Variants in ZC3H15 observed in about 807,000 individuals in gnomAD.
ZC3H15 encodes zinc finger CCCH-type containing 15, also known as zinc finger CCCH domain-containing protein 15.
In ZC3H15, 15 loss-of-function variants were observed where a neutral mutation model predicts 51.2. The ratio of observed to expected loss-of-function variants is 0.29; its 90% CI spans 0.20 to 0.45. The LOEUF (loss-of-function observed/expected upper bound fraction) is 0.45, where lower values mean the gene tolerates loss of function less well. Among genes scored for constraint, ZC3H15 ranks in the 20% least tolerant of loss-of-function variants. The pLI is 1.00. For synonymous variants in ZC3H15, 144 were observed against 162.8 expected (o/e 0.88, Z 0.88); for missense variants, 381 against 494.7 (o/e 0.77, Z 2.18).
In ZC3H15 at chr2:186,504,181, T is replaced by A. The variant is rs1685430776; in HGVS notation, c.684T>A (p.Asp228Glu). 4 of 1,601,420 alleles carry A rather than the reference T, an allele frequency of 2.5e-6. No homozygotes were observed. Among genetic ancestry groups the A allele is most frequent in the Non-Finnish European group, 2.6e-6 (3 of 1,173,672 alleles). ...ATAAAAAGAAAGAAGAGAAAGAAGA[T>A]GAAATTTCATTAGAAGATCTAATTG... The part of the protein sequence containing the change: ...KKDKKKEEKE[D>E]EISLEDLIER... The change falls in exon 6 of 10, where the codon GAT (aspartate) becomes GAA (glutamate). Residue 228 changes from aspartate to glutamate, a missense_variant. By Grantham distance (45) the Asp-to-Glu change is conservative (BLOSUM62 2). Transcript: ENST00000337859.
intron 1 of ZC3H15, chr2:186,486,830 T>C (rs1685104414): frequency 1.4e-5 from 3 of 218,870 alleles, no homozygotes; most frequent in Non-Finnish European, 1.8e-5. Flanking sequence ...GGCCAGCGTC[T>C]TTCTGGAAGA....
intron 2 of ZC3H15, chr2:186,497,046 G>A (rs988291963): frequency 5.3e-5 from 19 of 359,910 alleles, no homozygotes; most frequent in African/African-American, 1.1e-4. Context: ...CAACTCATTT[G>A]AAAAAAATGT....
chr2:186,506,812 A>G lies in ZC3H15; in HGVS notation c.1066A>G (p.Ser356Gly), dbSNP rs1184991870. ...TACTGTAGCCAGTCTTGAAAGATTC[A>G]GCACATATACTTCAGATAAAGATGG... is the stretch of plus-strand genomic sequence containing the variant. Reference protein sequence around the residue: ...GITVASLERFSTYTSDKDENK... With the variant: ...GITVASLERFGTYTSDKDENK... The change falls in exon 9 of 10, where the codon AGC becomes GGC. Residue 356 changes from serine to glycine, a missense_variant. Ser to Gly is a moderately conservative substitution (Grantham distance 56). Around this residue, in one of 3 missense-constraint regions of ZC3H15, gnomAD observed 215 missense variants for 241.8 expected, o/e 0.89. Transcript: ENST00000337859. 6.2e-7 allele frequency: 1 copy of G among 1,613,286 alleles called. No homozygotes were observed. Among genetic ancestry groups the G allele is most frequent in the Admixed American group, 1.7e-5 (1 of 59,888 alleles).
rs560952234 is a variant in ZC3H15, at chr2:186,502,670, A to G, written c.534+83A>G. On this transcript the variant is annotated intron_variant, in intron 5 of 9. Transcript: ENST00000337859. ...GGCAAGGTATTTGCTGCTATTTTCT[A>G]TTAGATTATTCTGTAAGTTACTGGA... is the stretch of plus-strand genomic sequence containing the variant. The G allele has an allele frequency of 1.2e-5, 14 of 1,133,702 alleles. No homozygotes were observed. In the African/African-American group the frequency reaches 1.7e-4, roughly 14 times the overall value. 70.2% of individuals were successfully genotyped at this position (1,133,702 alleles called of 1,614,324 possible).
rs781355177 is a variant in ZC3H15 at position 186,500,591 on chromosome 2, A to T, written c.289+298A>T. ...TCTTTGGTAGTAGGTAAGCAAAGCCATAGTTGAATAAACTGTACGTCCCAA... is the reference window on the plus strand; with the variant it reads ...TCTTTGGTAGTAGGTAAGCAAAGCCTTAGTTGAATAAACTGTACGTCCCAA... On this transcript the variant is annotated intron_variant, in intron 3 of 9. Transcript: ENST00000337859. The T allele has an allele frequency of 9.4e-6, 5 of 533,170 alleles. 1 individual carries two copies. Among genetic ancestry groups the T allele is most frequent in the South Asian group, 7.7e-5 (5 of 65,246 alleles). The allele number at this position is 533,170 out of a possible 1,614,324, so 33.0% of individuals were successfully genotyped here.
Position 186,501,278 on chromosome 2 carries a change from G to T in ZC3H15, c.295G>T (p.Asp99Tyr). The T allele has an allele frequency of 6.2e-7, 1 of 1,605,372 alleles. No individual in the cohort carries two copies. Among genetic ancestry groups the T allele is most frequent in the Non-Finnish European group, 8.5e-7 (1 of 1,175,956 alleles). The change falls in exon 4 of 10, where the codon GAT becomes TAT. Residue 99 changes from aspartate to tyrosine, a missense_variant. Around this residue, in one of 3 missense-constraint regions of ZC3H15, gnomAD observed 125 missense variants for 166.3 expected, o/e 0.75. Coordinates refer to ENST00000337859, the MANE Select transcript of ZC3H15 (RefSeq NM_018471.3). The part of the protein sequence containing the change: ...VAAQKISKGA[D>Y]PKSVVCAFFK... ...CCATATGCCATTTGACATAGGTGCA[G>T]ATCCCAAGTCTGTAGTATGTGCATT...
rs1215329009 is a variant in ZC3H15 at position 186,486,334 on chromosome 2, G to A, written c.-49G>A. On this transcript the variant is annotated 5_prime_UTR_variant, in exon 1 of 10. Coordinates refer to ENST00000337859, the MANE Select transcript of ZC3H15 (RefSeq NM_018471.3). The stretch of plus-strand genomic sequence containing the variant: ...GTCCTGCCGCAGGGCCAGAACCCCT[G>A]ACGGTATTCAGCTGCGCGTAAGTCT... 3 of 1,499,124 alleles carry A rather than the reference G, an allele frequency of 2.0e-6. No homozygotes were observed. Among genetic ancestry groups the A allele is most frequent in the Non-Finnish European group, 1.8e-6 (2 of 1,117,428 alleles). The allele number at this position is 1,499,124 out of a possible 1,614,324, so 92.9% of individuals were successfully genotyped here. A position where few individuals can be genotyped will look rare whatever the true frequency, so the allele number is the denominator to read the frequency against.
At position 186,508,718 on chromosome 2, in the gene ZC3H15, T is replaced by G. The variant is rs765394836; in HGVS notation, c.1266T>G (p.Leu422=). The G allele has an allele frequency of 2.2e-5, 36 of 1,613,966 alleles. No homozygotes were observed. Among genetic ancestry groups the G allele is most frequent in the Admixed American group, 6.7e-5 (4 of 59,996 alleles). Residue 422 remains leucine (L), a synonymous_variant, in exon 10 of 10, where the codon CTT becomes CTG. Transcript: ENST00000337859. The stretch of plus-strand genomic sequence containing the variant: ...AACTAGAAGAAGAATTAAATACACT[T>G]GATTTAGAAGAATGACACCAAACAC... ...LDELEEELNT[L]DLEE
At chr2:186,507,874 A>AT (rs1224353862) in intron 9 of ZC3H15, among the ~76,000 whole-genome samples, 1 of 152,322 alleles carries the variant, frequency 6.6e-6, no homozygotes. Flanking sequence ...ACTGCAAATA[A>AT]TTCAGAGATT....
At chr2:186,492,303 T>C (rs1685213868) in intron 1 of ZC3H15, among the ~76,000 whole-genome samples, 1 of 152,254 alleles carries the variant, frequency 6.6e-6, no homozygotes, top group Non-Finnish European at 1.5e-5. Context: ...TGTTCATCTG[T>C]ATGTATCACA....
At chr2:186,506,865 A>G in intron 9 of ZC3H15, 29 bp downstream of exon 9, 1 of 1,597,806 alleles carries the variant, frequency 6.3e-7, no homozygotes, top group South Asian at 1.1e-5. Context: ...GCCTAATTTT[A>G]AGAACTAGGA....
intron 1 of ZC3H15, among the ~76,000 whole-genome samples, chr2:186,492,567 A>G (rs1574422267): frequency 6.6e-6 from 1 of 152,352 alleles, no homozygotes; most frequent in East Asian, 1.9e-4. Context: ...GTCATGAATA[A>G]AGAGATATTT....
At chr2:186,494,969 A>T (rs1342013392) in intron 1 of ZC3H15, among the ~76,000 whole-genome samples, 2 of 151,988 alleles carry the variant, frequency 1.3e-5, no homozygotes, top group East Asian at 3.8e-4. Context: ...AGTATAATAA[A>T]AAATATATAT....
intron 9 of ZC3H15, among the ~76,000 whole-genome samples, chr2:186,507,222 A>C (rs1685484016): frequency 6.6e-6 from 1 of 152,224 alleles, no homozygotes; most frequent in African/African-American, 2.4e-5. Flanking sequence ...GACATTGAGA[A>C]GGTCAGAGAA....
chr2:186,499,848 A>G (rs752404238), intron 2 of ZC3H15, among the ~76,000 whole-genome samples: 1 of 152,228 alleles, frequency 6.6e-6, no homozygotes, highest in Non-Finnish European at 1.5e-5. Flanking sequence ...CTCATCTTCA[A>G]AATGAACCTG....
In ZC3H15 at chr2:186,509,188, C is replaced by T. The variant is rs899211587; in HGVS notation, c.*455C>T. 9.4e-6 allele frequency: 3 copies of T among 318,426 alleles called. No homozygotes were observed. The highest frequency in any genetic ancestry group is 1.7e-4 in the East Asian group (2 of 11,776). 19.7% of individuals were successfully genotyped at this position (318,426 alleles called of 1,614,324 possible). On this transcript the variant is annotated 3_prime_UTR_variant, in exon 10 of 10. Transcript: ENST00000337859. ...GCACTGTACTTCATAAAGGAAACTG[C>T]GTATGCAGATTCAGTATTGTGTATC...
intron 1 of ZC3H15, 93 bp downstream of exon 1, chr2:186,486,550 G>A: frequency 7.2e-7 from 1 of 1,384,800 alleles, no homozygotes; most frequent in Non-Finnish European, 9.8e-7. Flanking sequence ...TCGCTTCCTC[G>A]GGCCACGTGT....
intron 6 of ZC3H15, 114 bp downstream of exon 6, chr2:186,504,328 A>C: frequency 1.1e-6 from 1 of 933,582 alleles, no homozygotes; most frequent in East Asian, 2.9e-5. Flanking sequence ...AAATATTGTG[A>C]TCTATTCCCA....
At position 186,508,543 on chromosome 2, in the gene ZC3H15, A is replaced by G; in HGVS notation, c.1091A>G (p.Glu364Gly). 1 of 1,613,274 alleles carries G rather than the reference A, an allele frequency of 6.2e-7. No individual in the cohort carries two copies. Among genetic ancestry groups the G allele is most frequent in the African/African-American group, 1.3e-5 (1 of 74,922 alleles). The change falls in exon 10 of 10, where the codon GAA (glutamate) becomes GGA (glycine). Residue 364 changes from glutamate to glycine, a missense_variant and splice_region_variant. Glu to Gly is a moderately conservative substitution (Grantham distance 98). Coordinates refer to ENST00000337859, the MANE Select transcript of ZC3H15 (RefSeq NM_018471.3). ...RFSTYTSDKDENKLSEASGGR... is the reference protein window; with the variant it reads ...RFSTYTSDKDGNKLSEASGGR... ...TACTGATTCCAGTTTTTATATTTAG[A>G]AAACAAATTAAGTGAAGCTTCTGGA...
Sources: allele counts gnomAD v4.1 joint callset (sites outside exome capture counted in the v4.1 genomes callset), GRCh38; gene constraint gnomAD v4.1.1; regional missense constraint gnomAD v4.1.1; transcripts MANE v1.5; gene names NCBI Gene and HGNC (gene_info 2026-07-23, HGNC 2026-07-21).